The following PIK3C2G variants were observed in gnomAD, a reference collection of about 807,000 sequenced individuals.
The protein encoded by PIK3C2G is phosphatidylinositol-4-phosphate 3-kinase catalytic subunit type 2 gamma, also known as phosphatidylinositol 3-kinase C2 domain-containing subunit gamma.
PIK3C2G carries 168 observed loss-of-function variants against 181.1 expected under a neutral mutation model. That is an observed-to-expected ratio of 0.93 (90% CI 0.82 to 1.05). PIK3C2G has a LOEUF of 1.05. PIK3C2G is among the 50% of genes least tolerant of loss of function. The probability of loss-of-function intolerance (pLI) is 0.00; values close to 1 mark genes in which losing one functional copy is unlikely to be tolerated. For synonymous variants in PIK3C2G, 573 were observed against 592.2 expected, an observed-to-expected ratio of 0.97 and a Z score of 0.47; for missense variants, 1,869 against 1,732.8, an observed-to-expected ratio of 1.08 and a Z score of -1.40.
chr12:18,386,454 C>T (rs1943176760), intron 14 of PIK3C2G, among the ~76,000 whole-genome samples: 1 of 152,112 alleles, frequency 6.6e-6, no homozygotes, highest in Non-Finnish European at 1.5e-5. Flanking sequence ...CCTATTCCCC[C>T]AATCCTAAGC....
chr12:18,656,326 C>A, the PIK3C2G span, among the ~76,000 whole-genome samples: 1 of 152,056 alleles, frequency 6.6e-6, no homozygotes, highest in African/African-American at 2.4e-5. Context: ...GCCTGTAATC[C>A]CAGCACTTTA....
chr12:18,532,635 G>T (rs753597705), intron 24 of PIK3C2G, among the ~76,000 whole-genome samples: 6 of 152,094 alleles, frequency 3.9e-5, no homozygotes, highest in Non-Finnish European at 8.8e-5. Flanking sequence ...ATGTATTTGT[G>T]TGGGTCTGTT....
the PIK3C2G span, chr12:18,693,805 A>T: frequency 6.6e-7 from 1 of 1,519,714 alleles, no homozygotes; most frequent in Non-Finnish European, 9.1e-7. Flanking sequence ...CGCTTATCAG[A>T]CCAGGCCGCA....
intron 29 of PIK3C2G, among the ~76,000 whole-genome samples, chr12:18,579,570 A>T (rs7311071): frequency 0.33 from 49,690 of 151,776 alleles, 8,248 homozygotes; most frequent in Non-Finnish European, 0.35. Context: ...TCTCTCTCCC[A>T]CACACATGCA....
chr12:18,694,052 G>A, the PIK3C2G span: 5 of 1,348,688 alleles, frequency 3.7e-6, no homozygotes, highest in Non-Finnish European at 5.3e-6. Context: ...TAAAGAAAAT[G>A]TTCTTTATAA....
At chr12:18,584,328 C>T (rs891217898) in intron 29 of PIK3C2G, among the ~76,000 whole-genome samples, 2 of 151,894 alleles carry the variant, frequency 1.3e-5, no homozygotes, top group African/African-American at 4.8e-5. Context: ...GCTAAATAGA[C>T]AGTATTTTTA....
the PIK3C2G span, among the ~76,000 whole-genome samples, chr12:18,666,916 A>G: frequency 6.6e-6 from 1 of 152,186 alleles, no homozygotes; most frequent in Non-Finnish European, 1.5e-5. Context: ...ATTTTTAAAC[A>G]AATTCTCTAG....
At chr12:18,400,071 GT>G (rs1326598931) in intron 16 of PIK3C2G, among the ~76,000 whole-genome samples, 2 of 152,100 alleles carry the variant, frequency 1.3e-5, no homozygotes, top group Non-Finnish European at 2.9e-5. Context: ...AATTGTAGAA[GT>G]TTCTTAAATG....
In PIK3C2G at chr12:18,325,012, A is replaced by C. The variant is rs1247003743; in HGVS notation, c.1209-23A>C. ...AGTTTTCCCACCCAATTTTAAACAA[A>C]GTTTCTATTTTTTATTTTCCAGACA... On this transcript the variant is annotated intron_variant, in intron 7 of 32. Transcript: ENST00000538779. 3.0e-6 allele frequency: 4 copies of C among 1,318,580 alleles called. No individual in the cohort carries two copies. The Admixed American group carries it at 6.4e-5, about 21-fold the overall frequency. 81.7% of individuals were successfully genotyped at this position (1,318,580 alleles called of 1,614,324 possible).
chr12:18,334,317 A>C (rs1013059327), intron 8 of PIK3C2G, among the ~76,000 whole-genome samples: 5 of 152,174 alleles, frequency 3.3e-5, no homozygotes, highest in African/African-American at 1.2e-4. Context: ...ATTGAGTCAA[A>C]AGAACCTTTC....
intron 18 of PIK3C2G, among the ~76,000 whole-genome samples, chr12:18,485,155 G>A (rs1939911127): frequency 6.6e-6 from 1 of 152,082 alleles, no homozygotes; most frequent in African/African-American, 2.4e-5. Context: ...TAAAATTACG[G>A]CCTGGATTGA....
At chr12:18,616,550 T>G (rs974629559) in intron 31 of PIK3C2G, among the ~76,000 whole-genome samples, 3 of 152,136 alleles carry the variant, frequency 2.0e-5, no homozygotes. Flanking sequence ...GCTTTTATTT[T>G]TAATGTTCAA....
chr12:18,258,238 CTAAA>C, upstream of PIK3C2G, among the ~76,000 whole-genome samples: 1 of 151,834 alleles, frequency 6.6e-6, no homozygotes, highest in East Asian at 1.9e-4. Context: ...TGTGGAGTGG[CTAAA>C]TAAAGCTAAT....
At chr12:18,696,322 C>CTCTATATATATATATATATATATATA in the PIK3C2G span, 1 of 253,072 alleles carries the variant, frequency 4.0e-6, no homozygotes, top group African/African-American at 6.1e-5. Context: ...TAAAAAGCCA[C>CTCTATATATATATATATATATATATA]TATATATATA....
intron 1 of PIK3C2G, among the ~76,000 whole-genome samples, chr12:18,265,688 G>A (rs1012928890): frequency 7.9e-5 from 12 of 151,950 alleles, no homozygotes; most frequent in Middle Eastern, 3.4e-3. Flanking sequence ...TTTTAACTTT[G>A]CTTTAATTTT....
rs185155475 is a variant in PIK3C2G at position 18,591,214 on chromosome 12, G to T, written c.4012-3280G>T. Reference sequence around the variant, plus strand: ...GAGATCAATTCACAGATGAAAATTGGCAACTGACTAATTTACAATGATACA... The same window carrying T: ...GAGATCAATTCACAGATGAAAATTGTCAACTGACTAATTTACAATGATACA... On this transcript the variant is annotated intron_variant, in intron 29 of 32. Coordinates refer to ENST00000538779, the MANE Select transcript of PIK3C2G (RefSeq NM_001288772.2). Among the ~76,000 whole-genome samples the T allele has an allele frequency of 8.5e-4, 129 of 151,842 alleles. 2 individuals are homozygous for T. In the East Asian group the frequency reaches 0.022, roughly 26 times the overall value.
At chr12:18,458,826 A>G (rs1164084345) in intron 18 of PIK3C2G, among the ~76,000 whole-genome samples, 1 of 151,636 alleles carries the variant, frequency 6.6e-6, no homozygotes, top group African/African-American at 2.4e-5. Flanking sequence ...CTAGTTGCTG[A>G]AAGTGGCCCC....
chr12:18,356,605 T>G (rs1388875539), intron 11 of PIK3C2G, among the ~76,000 whole-genome samples: 1 of 152,050 alleles, frequency 6.6e-6, no homozygotes, highest in Non-Finnish European at 1.5e-5. Context: ...TTAGGTCACA[T>G]GAACAAATTG....
At chr12:18,617,945 A>G (rs1002474759) in intron 31 of PIK3C2G, among the ~76,000 whole-genome samples, 1 of 152,208 alleles carries the variant, frequency 6.6e-6, no homozygotes, top group African/African-American at 2.4e-5. Context: ...CATGTGGCAT[A>G]AGACCACCAC....
Sources: allele counts gnomAD v4.1 joint callset (sites outside exome capture counted in the v4.1 genomes callset), GRCh38; gene constraint gnomAD v4.1.1; transcripts MANE v1.5; gene names NCBI Gene and HGNC (gene_info 2026-07-23, HGNC 2026-07-21).